The following OSBPL6 variants were observed in gnomAD, a reference collection of about 807,000 sequenced individuals.
OSBPL6 encodes oxysterol-binding protein-related protein 6.
A neutral mutation model predicts 125.8 loss-of-function variants in OSBPL6; 49 were observed. That is an observed-to-expected ratio of 0.39 (90% confidence interval 0.31 to 0.49). The LOEUF (loss-of-function observed/expected upper bound fraction) is 0.49. OSBPL6 is among the 20% of genes least tolerant of loss of function. OSBPL6 has a pLI of 0.88. For synonymous variants in OSBPL6, 394 were observed against 391.8 expected (o/e 1.01, Z -0.07); for missense variants, 986 against 1,135.4 (o/e 0.87, Z 1.89).
intron 4 of OSBPL6, among the ~76,000 whole-genome samples, chr2:178,324,492 A>G (rs1688525497): frequency 1.3e-5 from 2 of 152,208 alleles, no homozygotes; most frequent in Admixed American, 6.5e-5. Context: ...TTACATTCAA[A>G]GGTCCAAAAT....
In OSBPL6 at chr2:178,312,846, A is replaced by C. The variant is rs1008318608; in HGVS notation, c.102+6560A>C. Among the ~76,000 whole-genome samples, 15 of 152,102 alleles carry C rather than the reference A, an allele frequency of 9.9e-5. No individual in the cohort carries two copies. In the East Asian group the frequency reaches 1.7e-3, roughly 18 times the overall value. On this transcript the variant is annotated intron_variant, in intron 3 of 24. Coordinates refer to ENST00000190611, the MANE Select transcript of OSBPL6 (RefSeq NM_032523.4). ...AATAAGGTCACTCAGTTTGTGACCC[A>C]CTGACTGGATTTTGTTTCCATAATT...
intron 3 of OSBPL6, among the ~76,000 whole-genome samples, chr2:178,309,831 A>G (rs1047214735): frequency 6.6e-6 from 1 of 152,222 alleles, no homozygotes; most frequent in Non-Finnish European, 1.5e-5. Flanking sequence ...AGGGTTGTTG[A>G]TGAAACACCT....
Position 178,349,422 on chromosome 2 carries a change from G to A in OSBPL6, c.1153+33G>A, listed in dbSNP as rs1332246044. 1.9e-6 allele frequency: 3 copies of A among 1,595,914 alleles called. No homozygotes were observed. In the East Asian group the frequency reaches 6.7e-5, roughly 36 times the overall value. ...CAAAAATAATGCGCCCTTTAAAGAA[G>A]CTCTCTTCTTTGATGAAAGATTATC... On this transcript the variant is annotated intron_variant, in intron 12 of 24. Coordinates refer to ENST00000190611, the MANE Select transcript of OSBPL6 (RefSeq NM_032523.4).
chr2:178,251,099 C>T (rs2154002671), intron 1 of OSBPL6, among the ~76,000 whole-genome samples: 1 of 152,244 alleles, frequency 6.6e-6, no homozygotes. Context: ...AGCCTAAGGC[C>T]TTCAGGCATG....
intron 1 of OSBPL6, among the ~76,000 whole-genome samples, chr2:178,228,468 G>C (rs1242874904): frequency 6.6e-6 from 1 of 152,220 alleles, no homozygotes; most frequent in African/African-American, 2.4e-5. Flanking sequence ...CCGGGAGGTG[G>C]AGCTTGCAGT....
intron 5 of OSBPL6, among the ~76,000 whole-genome samples, chr2:178,329,805 G>C (rs1454975353): frequency 6.6e-6 from 1 of 152,156 alleles, no homozygotes; most frequent in Non-Finnish European, 1.5e-5. Context: ...TCTGCACGTG[G>C]ATTTCATCTC....
chr2:178,302,062 T>TA (rs533234804), intron 2 of OSBPL6, among the ~76,000 whole-genome samples: 42 of 152,302 alleles, frequency 2.8e-4, no homozygotes, highest in African/African-American at 8.7e-4. Context: ...TCTGGACACA[T>TA]ACAATTTATG....
chr2:178,242,278 T>G (rs1282243838), intron 1 of OSBPL6, among the ~76,000 whole-genome samples: 4 of 152,228 alleles, frequency 2.6e-5, no homozygotes, highest in Admixed American at 6.5e-5. Flanking sequence ...TTGACTCCTC[T>G]GACATCATCT....
At chr2:178,264,934 G>C (rs2092180629) in intron 1 of OSBPL6, among the ~76,000 whole-genome samples, 1 of 151,852 alleles carries the variant, frequency 6.6e-6, no homozygotes, top group African/African-American at 2.4e-5. Flanking sequence ...GCCCAGGCTA[G>C]AGTGCAATGG....
chr2:178,325,694 T>C (rs986842298), intron 4 of OSBPL6, among the ~76,000 whole-genome samples: 1 of 152,210 alleles, frequency 6.6e-6, no homozygotes, highest in African/African-American at 2.4e-5. Context: ...TTATCTCACT[T>C]AATCAGCCCC....
intron 1 of OSBPL6, among the ~76,000 whole-genome samples, chr2:178,276,195 T>C (rs1204699605): frequency 2.0e-5 from 3 of 152,148 alleles, no homozygotes; most frequent in Admixed American, 1.3e-4. Context: ...GCCTCTCTCA[T>C]GCAAATATTC....
chr2:178,392,679 G>A, intron 23 of OSBPL6, 141 bp downstream of exon 23: 1 of 1,099,296 alleles, frequency 9.1e-7, no homozygotes, highest in Non-Finnish European at 1.3e-6. Context: ...AATATAGTGA[G>A]ACTCTATATC....
At chr2:178,299,288 A>G (rs1686057164) in intron 2 of OSBPL6, among the ~76,000 whole-genome samples, 1 of 152,178 alleles carries the variant, frequency 6.6e-6, no homozygotes, top group Non-Finnish European at 1.5e-5. Context: ...TTTGCACTGA[A>G]TAATATTCTT....
chr2:178,391,371 C>G (rs1178801346), intron 22 of OSBPL6, among the ~76,000 whole-genome samples, 154 bp downstream of exon 22: 1 of 152,224 alleles, frequency 6.6e-6, no homozygotes, highest in Non-Finnish European at 1.5e-5. Flanking sequence ...TACATTCATA[C>G]TTAACATAGA....
intron 1 of OSBPL6, among the ~76,000 whole-genome samples, chr2:178,264,061 C>A (rs547262573): frequency 3.9e-5 from 6 of 152,074 alleles, no homozygotes; most frequent in Admixed American, 3.9e-4. Flanking sequence ...CACAATGGGG[C>A]TGTGATATGG....
At chr2:178,236,384 A>G (rs111609849) in intron 1 of OSBPL6, among the ~76,000 whole-genome samples, 30 of 152,336 alleles carry the variant, frequency 2.0e-4, no homozygotes, top group African/African-American at 7.0e-4. Flanking sequence ...AGAATTCACA[A>G]TGTCCATCCT....
rs1235546286 is a variant in OSBPL6 at position 178,226,312 on chromosome 2, G to A, written c.-351+31638G>A. ...TCACCTTCCATGCTGGTAGCACAGT[G>A]GGCAAAGGATGCTGGGTGGTGCAGT... On this transcript the variant is annotated intron_variant, in intron 1 of 24. Coordinates refer to ENST00000190611, the MANE Select transcript of OSBPL6 (RefSeq NM_032523.4). 7.8e-5 allele frequency among the ~76,000 whole-genome samples: 11 copies of A among 140,946 alleles called. No homozygotes were observed. In the South Asian group the frequency reaches 1.9e-3, roughly 24 times the overall value. The allele number at this position is 140,946 out of a possible 152,430, so 92.5% of individuals were successfully genotyped here. A position where few individuals can be genotyped will look rare whatever the true frequency, so the allele number is the denominator to read the frequency against.
intron 1 of OSBPL6, among the ~76,000 whole-genome samples, chr2:178,234,224 T>C (rs2090955525): frequency 6.6e-6 from 1 of 152,194 alleles, no homozygotes; most frequent in Non-Finnish European, 1.5e-5. Flanking sequence ...GACAACAACA[T>C]CAACTTTTGC....
At chr2:178,343,680 T>C (rs978097184) in intron 11 of OSBPL6, among the ~76,000 whole-genome samples, 1 of 152,204 alleles carries the variant, frequency 6.6e-6, no homozygotes, top group Non-Finnish European at 1.5e-5. Flanking sequence ...GGCATCTTCC[T>C]TGGAAAATTC....
Sources: gnomAD v4.1 joint callset for allele counts (sites outside exome capture counted in the v4.1 genomes callset) on GRCh38, gnomAD v4.1.1 for gene constraint, MANE v1.5 for transcripts, NCBI Gene and HGNC (gene_info 2026-07-23, HGNC 2026-07-21) for gene names.